Variants in SNX29 observed in about 807,000 individuals in gnomAD.
SNX29 encodes sorting nexin-29.
In SNX29, 78 loss-of-function variants were observed where a neutral mutation model predicts 102.1. The ratio of observed to expected loss-of-function variants is 0.76; its 90% CI spans 0.64 to 0.92. The LOEUF is 0.92. SNX29 is among the 40% of genes least tolerant of loss of function. The probability of loss-of-function intolerance (pLI) is 0.00; values close to 1 mark genes in which losing one functional copy is unlikely to be tolerated. For synonymous variants in SNX29, 580 were observed against 414.5 expected (o/e 1.40, Z -4.85); for missense variants, 1,280 against 1,061.7 (o/e 1.21, Z -2.86).
intron 16 of SNX29, among the ~76,000 whole-genome samples, chr16:12,386,642 A>G (rs570914049): frequency 1.3e-5 from 2 of 152,334 alleles, no homozygotes; most frequent in Admixed American, 6.5e-5. Flanking sequence ...AGAAAATAAT[A>G]AAAAATAAAC....
chr16:12,070,841 C>T (rs550908629), intron 10 of SNX29, among the ~76,000 whole-genome samples: 1 of 152,284 alleles, frequency 6.6e-6, no homozygotes, highest in African/African-American at 2.4e-5. Context: ...CCTTTTGTTT[C>T]CTGACTTTTT....
rs771471116 is a variant in SNX29 at position 12,356,291 on chromosome 16, C to A, written c.1899+12C>A. 167 of 1,584,352 alleles carry A rather than the reference C, an allele frequency of 1.1e-4. No homozygotes were observed. Among genetic ancestry groups the A allele is most frequent in the Non-Finnish European group, 1.3e-4 (151 of 1,165,576 alleles). On this transcript the variant is annotated intron_variant, in intron 16 of 20. Coordinates refer to ENST00000566228, the MANE Select transcript of SNX29 (RefSeq NM_032167.5). ...ATCTCCGGGGACCGGTGAGTGTTTC[C>A]CCAACCCTGTGTGTCTGTCAAGCCT...
chr16:12,467,655 C>T (rs1455424637), intron 18 of SNX29, among the ~76,000 whole-genome samples: 4 of 143,432 alleles, frequency 2.8e-5, no homozygotes, highest in Admixed American at 2.8e-4. Flanking sequence ...TTCATTCATT[C>T]CATTCACTCA....
chr16:12,546,149 CCA>C (rs2077593037), intron 20 of SNX29: 2 of 152,176 alleles, frequency 1.3e-5, no homozygotes, highest in Non-Finnish European at 2.9e-5. Flanking sequence ...CTAATAACCT[CCA>C]CCTGGTAACA....
intron 20 of SNX29, among the ~76,000 whole-genome samples, chr16:12,549,861 C>T (rs368772406): frequency 1.3e-5 from 2 of 152,268 alleles, no homozygotes; most frequent in African/African-American, 2.4e-5. Flanking sequence ...TGTGGTGAAA[C>T]AGCCAAAGAT....
chr16:12,231,467 C>G (rs1012877570), intron 14 of SNX29, among the ~76,000 whole-genome samples: 1 of 152,072 alleles, frequency 6.6e-6, no homozygotes, highest in Non-Finnish European at 1.5e-5. Context: ...TTTGTAACAA[C>G]TGTGTGATAT....
rs555350852 is a variant in SNX29, at chr16:12,444,566, A to G, written c.2038-33153A>G. ...GCTGGATTAGGTGGGTGTAGGGGGAATTCTTGTTCCATACCAGAGTAAGCA... is the reference window on the plus strand; with the variant it reads ...GCTGGATTAGGTGGGTGTAGGGGGAGTTCTTGTTCCATACCAGAGTAAGCA... On this transcript the variant is annotated intron_variant, in intron 18 of 20. Transcript: ENST00000566228. Among the ~76,000 whole-genome samples, 4 of 152,304 alleles carry G rather than the reference A, an allele frequency of 2.6e-5. No homozygotes were observed. The South Asian group carries it at 8.3e-4, about 32-fold the overall frequency.
intron 18 of SNX29, among the ~76,000 whole-genome samples, chr16:12,467,750 T>G (rs1414702196): frequency 6.6e-6 from 1 of 152,234 alleles, no homozygotes; most frequent in Non-Finnish European, 1.5e-5. Flanking sequence ...GTGGATAAAA[T>G]TGACCAGATC....
Position 12,569,804 on chromosome 16 carries a change from A to G in SNX29, c.*1175A>G, listed in dbSNP as rs1300266325. The G allele has an allele frequency of 1.7e-5, 4 of 230,412 alleles. 1 individual carries two copies. The highest frequency in any genetic ancestry group is 2.6e-3 in the Middle Eastern group (2 of 772). 14.3% of individuals were successfully genotyped at this position (230,412 alleles called of 1,614,324 possible). ...CAATAGCCGTCCTCAGATGCTCAGC[A>G]AAGTTGTGGCAGTTTGCATTTCTAG... On this transcript the variant is annotated 3_prime_UTR_variant, in exon 21 of 21. Transcript: ENST00000566228.
intron 18 of SNX29, among the ~76,000 whole-genome samples, chr16:12,417,568 T>G (rs9746403): frequency 6.6e-6 from 1 of 151,710 alleles, no homozygotes; most frequent in Admixed American, 6.6e-5. Context: ...TCTGTTTCCC[T>G]CTTTCCTCCT....
rs549572761 is a variant in SNX29, at chr16:12,572,056, A to T, written c.*3427A>T. ...CATCCAGTGGAGTTGTAAACAAGGG[A>T]ACCATCTTGCAAGATCTAGGAAGAG... is the stretch of plus-strand genomic sequence containing the variant. On this transcript the variant is annotated 3_prime_UTR_variant, in exon 21 of 21. Transcript: ENST00000566228. 1.3e-4 allele frequency: 134 copies of T among 1,063,428 alleles called. 1 individual carries two copies. In the African/African-American group the frequency reaches 2.0e-3, roughly 16 times the overall value. The allele number at this position is 1,063,428 out of a possible 1,614,324, so 65.9% of individuals were successfully genotyped here.
chr16:12,364,508 C>G (rs996427422), intron 16 of SNX29, among the ~76,000 whole-genome samples: 1 of 151,142 alleles, frequency 6.6e-6, no homozygotes, highest in Non-Finnish European at 1.5e-5. Context: ...GAGATTTTTA[C>G]CTTTTAGCGG....
intron 18 of SNX29, among the ~76,000 whole-genome samples, chr16:12,417,720 C>G (rs751067460): frequency 6.6e-6 from 1 of 151,910 alleles, no homozygotes; most frequent in Non-Finnish European, 1.5e-5. Context: ...CCTCTCTTCT[C>G]TTTCCTTCCT....
At chr16:12,485,405 T>C (rs940717981) in intron 19 of SNX29, among the ~76,000 whole-genome samples, 1 of 152,234 alleles carries the variant, frequency 6.6e-6, no homozygotes, top group Non-Finnish European at 1.5e-5. Flanking sequence ...CAAAAGTTCA[T>C]TTGGCATTAA....
At chr16:12,265,830 C>A (rs959136939) in intron 14 of SNX29, among the ~76,000 whole-genome samples, 1 of 151,866 alleles carries the variant, frequency 6.6e-6, no homozygotes, top group African/African-American at 2.4e-5. Context: ...GTCGAGACTG[C>A]AGTAAGCCAT....
At chr16:12,115,485 T>TTTTGTGTGTGTG (rs369070216) in intron 11 of SNX29, among the ~76,000 whole-genome samples, 18 of 141,858 alleles carry the variant, frequency 1.3e-4, no homozygotes, top group African/African-American at 4.5e-4. Context: ...CCACCTTGAT[T>TTTTGTGTGTGTG]TGTGTGTGTG....
In SNX29 at chr16:12,573,118, A is replaced by AT. The variant is rs2079222303; in HGVS notation, c.*4490dup. 6 of 229,340 alleles carry AT rather than the reference A, an allele frequency of 2.6e-5. No individual in the cohort carries two copies. The East Asian group carries it at 3.8e-4, about 14-fold the overall frequency. 14.2% of individuals were successfully genotyped at this position (229,340 alleles called of 1,614,324 possible). ...CATCTTTATGTTTTTCTAATACACA[A>AT]TCTTGATCTTGTTTCCAAAATAAAG... On this transcript the variant is annotated 3_prime_UTR_variant, in exon 21 of 21. Transcript: ENST00000566228.
At chr16:12,398,306 T>A (rs2151492287) in intron 16 of SNX29, 140 bp from the exon 17 acceptor site, 1 of 897,430 alleles carries the variant, frequency 1.1e-6, no homozygotes, top group East Asian at 2.5e-5. Flanking sequence ...CTCTTACCGT[T>A]TTCCAGTGAC....
intron 10 of SNX29, among the ~76,000 whole-genome samples, chr16:12,073,342 A>G (rs1399670519): frequency 2.6e-5 from 4 of 151,720 alleles, no homozygotes; most frequent in Non-Finnish European, 2.9e-5. Flanking sequence ...CACTGCTTCA[A>G]ATGTGTCCCA....
Sources: allele counts gnomAD v4.1 joint callset (sites outside exome capture counted in the v4.1 genomes callset), GRCh38; gene constraint gnomAD v4.1.1; transcripts MANE v1.5; gene names NCBI Gene and HGNC (gene_info 2026-07-23, HGNC 2026-07-21).